The following RABGAP1L variants were observed in gnomAD, a reference collection of about 807,000 sequenced individuals.
RABGAP1L encodes RAB GTPase activating protein 1 like.
In RABGAP1L, 63 loss-of-function variants were observed where a neutral mutation model predicts 137.7. The ratio of observed to expected loss-of-function variants is 0.46; its 90% CI spans 0.37 to 0.56. The LOEUF (loss-of-function observed/expected upper bound fraction) is 0.56, where lower values mean the gene tolerates loss of function less well. Ranked by LOEUF, RABGAP1L falls within the 20% of genes least tolerant of loss-of-function variation. The pLI is 0.00. For missense variants in RABGAP1L, 1,095 were observed against 1,244.0 expected (o/e 0.88, Z 1.80); for synonymous variants, 431 against 433.7 (o/e 0.99, Z 0.08).
intron 3 of RABGAP1L, among the ~76,000 whole-genome samples, chr1:174,224,626 T>A (rs1182158927): frequency 6.6e-6 from 1 of 152,250 alleles, no homozygotes; most frequent in Non-Finnish European, 1.5e-5. Flanking sequence ...TCTCTTATTA[T>A]CCTTTTAATG....
At chr1:174,356,001 G>T (rs1683603307) in intron 11 of RABGAP1L, among the ~76,000 whole-genome samples, 1 of 152,142 alleles carries the variant, frequency 6.6e-6, no homozygotes, top group South Asian at 2.1e-4. Flanking sequence ...AACAAGTATA[G>T]TATTCTGATT....
In RABGAP1L at chr1:174,827,458, G is replaced by A. The variant is rs59605831; in HGVS notation, c.2340+15498G>A. Among the ~76,000 whole-genome samples, 13 of 120,938 alleles carry A rather than the reference G, an allele frequency of 1.1e-4. 2 individuals are homozygous for A. In the East Asian group the frequency reaches 4.1e-3, roughly 38 times the overall value. 79.3% of individuals were successfully genotyped at this position (120,938 alleles called of 152,430 possible). A position where few individuals can be genotyped will look rare whatever the true frequency, so the allele number is the denominator to read the frequency against. ...AGTTAGGATTTCAACATATTAATTGGGGGGGCACAATTCACCCCATAACAG... is the reference window on the plus strand; with the variant it reads ...AGTTAGGATTTCAACATATTAATTGAGGGGGCACAATTCACCCCATAACAG... On this transcript the variant is annotated intron_variant, in intron 19 of 25. Coordinates refer to ENST00000681986, the MANE Select transcript of RABGAP1L (RefSeq NM_001366446.1).
At chr1:174,764,616 T>G (rs924105455) in intron 18 of RABGAP1L, among the ~76,000 whole-genome samples, 4 of 152,142 alleles carry the variant, frequency 2.6e-5, no homozygotes, top group African/African-American at 9.7e-5. Flanking sequence ...TTTTCTTTGA[T>G]TTTGTTTTTT....
intron 5 of RABGAP1L, among the ~76,000 whole-genome samples, chr1:174,247,471 A>G (rs74128326): frequency 0.012 from 1,888 of 152,286 alleles, 49 homozygotes; most frequent in African/African-American, 0.044. Context: ...GGAAATTTTC[A>G]TTTTTTAAAG....
chr1:174,278,390 T>C (rs1272982758), intron 9 of RABGAP1L, among the ~76,000 whole-genome samples: 1 of 152,146 alleles, frequency 6.6e-6, no homozygotes, highest in East Asian at 1.9e-4. Context: ...TGGGTGAGAC[T>C]CTGTCTCAAA....
At chr1:174,607,299 C>T (rs1670860985) in intron 13 of RABGAP1L, among the ~76,000 whole-genome samples, 2 of 152,162 alleles carry the variant, frequency 1.3e-5, no homozygotes, top group African/African-American at 4.8e-5. Flanking sequence ...TTATCATGCC[C>T]TCCACTTATG....
intron 19 of RABGAP1L, among the ~76,000 whole-genome samples, chr1:174,924,795 C>A (rs1007255037): frequency 6.6e-6 from 1 of 151,982 alleles, no homozygotes; most frequent in Non-Finnish European, 1.5e-5. Flanking sequence ...TTACAGACCC[C>A]GAGAATTCCC....
At chr1:174,790,913 G>C (rs1368024376) in intron 18 of RABGAP1L, among the ~76,000 whole-genome samples, 2 of 151,962 alleles carry the variant, frequency 1.3e-5, no homozygotes, top group African/African-American at 4.8e-5. Context: ...AAATGAGGCT[G>C]AGCGTGGTGG....
At chr1:174,613,032 A>G (rs1417821207) in intron 13 of RABGAP1L, among the ~76,000 whole-genome samples, 1 of 151,388 alleles carries the variant, frequency 6.6e-6, no homozygotes, top group African/African-American at 2.4e-5. Flanking sequence ...AATTTTTTGA[A>G]GGGTTTTTTG....
intron 14 of RABGAP1L, among the ~76,000 whole-genome samples, chr1:174,639,536 A>C (rs923644163): frequency 6.6e-6 from 1 of 152,100 alleles, no homozygotes; most frequent in South Asian, 2.1e-4. Context: ...GGTTTATGGC[A>C]TATGCAACAT....
chr1:174,414,748 A>G (rs1650346485), intron 13 of RABGAP1L, among the ~76,000 whole-genome samples: 1 of 152,100 alleles, frequency 6.6e-6, no homozygotes, highest in Non-Finnish European at 1.5e-5. Flanking sequence ...ACCACATTTA[A>G]TGAGTAGATC....
At chr1:174,960,238 G>A (rs924904008) in intron 20 of RABGAP1L, among the ~76,000 whole-genome samples, 1 of 152,144 alleles carries the variant, frequency 6.6e-6, no homozygotes, top group Non-Finnish European at 1.5e-5. Flanking sequence ...AGGTATTTCA[G>A]TTCAGTGCTA....
At chr1:174,899,032 C>T (rs1471704590) in intron 19 of RABGAP1L, among the ~76,000 whole-genome samples, 1 of 152,076 alleles carries the variant, frequency 6.6e-6, no homozygotes, top group African/African-American at 2.4e-5. Flanking sequence ...GAATCTATAG[C>T]AAGAACTAAT....
chr1:174,718,105 C>G (rs992517083), intron 17 of RABGAP1L, among the ~76,000 whole-genome samples: 1 of 152,146 alleles, frequency 6.6e-6, no homozygotes, highest in Non-Finnish European at 1.5e-5. Context: ...ACTTATTCCT[C>G]CAGACTCTGT....
chr1:174,336,790 T>A (rs1681509914), intron 11 of RABGAP1L, among the ~76,000 whole-genome samples: 1 of 152,110 alleles, frequency 6.6e-6, no homozygotes, highest in Non-Finnish European at 1.5e-5. Context: ...GAAATATGTT[T>A]CCATGCAATA....
chr1:174,387,288 C>G (rs1053467876), intron 12 of RABGAP1L, among the ~76,000 whole-genome samples: 2 of 152,162 alleles, frequency 1.3e-5, no homozygotes, highest in Non-Finnish European at 2.9e-5. Context: ...GGGACTTTAA[C>G]AGACACTGCT....
At chr1:174,221,215 G>A (rs1669727282) in intron 3 of RABGAP1L, 51 bp downstream of exon 3, 1 of 1,334,958 alleles carries the variant, frequency 7.5e-7, no homozygotes, top group African/African-American at 1.5e-5. Flanking sequence ...TAAAGTAATA[G>A]TGAAAATTTT....
intron 13 of RABGAP1L, among the ~76,000 whole-genome samples, chr1:174,547,181 G>T (rs1002142028): frequency 6.6e-6 from 1 of 151,890 alleles, no homozygotes; most frequent in Non-Finnish European, 1.5e-5. Flanking sequence ...TCTTGATCTT[G>T]CTAGCTGTGA....
chr1:174,650,634 A>G (rs1459937080), intron 14 of RABGAP1L, among the ~76,000 whole-genome samples: 1 of 151,868 alleles, frequency 6.6e-6, no homozygotes, highest in East Asian at 1.9e-4. Flanking sequence ...AGGTATTTGT[A>G]GTATTCTCTG....
Sources: allele counts gnomAD v4.1 joint callset (sites outside exome capture counted in the v4.1 genomes callset), GRCh38; gene constraint gnomAD v4.1.1; transcripts MANE v1.5; gene names NCBI Gene and HGNC (gene_info 2026-07-23, HGNC 2026-07-21).